The following DCP2 variants were observed in gnomAD, a reference collection of about 807,000 sequenced individuals.
The protein encoded by DCP2 is decapping mRNA 2.
DCP2 carries 30 observed loss-of-function variants against 56.1 expected under a neutral mutation model. That is an observed-to-expected ratio of 0.53 (90% confidence interval 0.40 to 0.73). The LOEUF (loss-of-function observed/expected upper bound fraction) is 0.73, where lower values mean the gene tolerates loss of function less well. Ranked by LOEUF, DCP2 falls within the 30% of genes least tolerant of loss-of-function variation. The probability of loss-of-function intolerance (pLI) is 0.00; values close to 1 mark genes in which losing one functional copy is unlikely to be tolerated. For synonymous variants in DCP2, 197 were observed against 163.3 expected, an observed-to-expected ratio of 1.21 and a Z score of -1.57; for missense variants, 533 against 502.7, an observed-to-expected ratio of 1.06 and a Z score of -0.58.
In DCP2 at chr5:113,017,899, T is replaced by C. The variant is rs755300619; in HGVS notation, c.*4415T>C. On this transcript the variant is annotated 3_prime_UTR_variant, in exon 11 of 11. Transcript: ENST00000389063. ...TTTCTAGCCCTGGATAAAGTTAATT[T>C]TTTTGAAGTTTGATTGCCAAGCAAT... The C allele has an allele frequency of 6.6e-6, 1 of 152,302 alleles. No individual in the cohort carries two copies. The highest frequency in any genetic ancestry group is 3.4e-3 in the Middle Eastern group (1 of 294). The allele number at this position is 152,302 out of a possible 1,614,324, so 9.4% of individuals were successfully genotyped here. A position where few individuals can be genotyped will look rare whatever the true frequency, so the allele number is the denominator to read the frequency against.
At chr5:113,009,924 T>C (rs1003951168) in intron 9 of DCP2, among the ~76,000 whole-genome samples, 6 of 150,532 alleles carry the variant, frequency 4.0e-5, no homozygotes, top group Non-Finnish European at 5.9e-5. Flanking sequence ...TTTTTTCCTT[T>C]TTTTTTTTTT....
Position 112,976,856 on chromosome 5 carries a change from G to T in DCP2, c.-78G>T, listed in dbSNP as rs766407542. 11 of 1,489,238 alleles carry T rather than the reference G, an allele frequency of 7.4e-6. No individual in the cohort carries two copies. The highest frequency in any genetic ancestry group is 1.4e-5 in the African/African-American group (1 of 72,352). The allele number at this position is 1,489,238 out of a possible 1,614,324, so 92.3% of individuals were successfully genotyped here. ...TCCTCGGCTGCCAGCTCTCCGGCGA[G>T]CCGGAGTCCTAGTGCCGTACCGTCA... On this transcript the variant is annotated 5_prime_UTR_variant, in exon 1 of 11. Coordinates refer to ENST00000389063, the MANE Select transcript of DCP2 (RefSeq NM_152624.6).
chr5:113,001,616 G>A lies in DCP2; in HGVS notation c.748G>A (p.Asp250Asn). The A allele has an allele frequency of 6.2e-7, 1 of 1,614,168 alleles. No homozygotes were observed. The highest frequency in any genetic ancestry group is 8.5e-7 in the Non-Finnish European group (1 of 1,180,012). ...SRRFGDSSDS[D>N]NGFSSTGSTP... ...AAGATTTGGCGATTCCTCAGACAGT[G>A]ACAATGGATTTTCCTCAACTGGTAG... is the stretch of plus-strand genomic sequence containing the variant. Residue 250 changes from aspartate to asparagine, a missense_variant, in exon 7 of 11, where the codon GAC (aspartate) becomes AAC (asparagine). Around this residue, in one of 3 missense-constraint regions of DCP2, gnomAD observed 392 missense variants for 346.6 expected, o/e 1.13. Transcript: ENST00000389063.
In DCP2 at chr5:113,008,013, C is replaced by T. The variant is rs761801998; in HGVS notation, c.1018C>T (p.Gln340Ter). Residue 340 changes from glutamine to a stop codon, truncating the protein, a stop_gained, in exon 9 of 11, where the codon CAG (glutamine) becomes TAG (stop). Coordinates refer to ENST00000389063, the MANE Select transcript of DCP2 (RefSeq NM_152624.6). LOFTEE classifies it high-confidence loss of function. ...PNQKKRTNGL[Q>*]PAKQQNSLMK... ...TCAAAAGAAAAGAACAAATGGGCTT[C>T]AGCCAGCAAAGCAGCAGAATTCTTT... 21 of 1,614,044 alleles carry T rather than the reference C, an allele frequency of 1.3e-5. No individual in the cohort carries two copies. Among genetic ancestry groups the T allele is most frequent in the Non-Finnish European group, 5.9e-6 (7 of 1,179,932 alleles).
chr5:113,010,883 G>A, intron 10 of DCP2, 76 bp downstream of exon 10: 2 of 1,444,640 alleles, frequency 1.4e-6, no homozygotes, highest in Non-Finnish European at 1.9e-6. Context: ...GATTTTAGTG[G>A]GAGTATGTGA....
intron 4 of DCP2, among the ~76,000 whole-genome samples, chr5:112,994,158 T>TC (rs925380120): frequency 3.4e-5 from 5 of 146,542 alleles, no homozygotes; most frequent in African/African-American, 1.3e-4. Flanking sequence ...TTCCTTTTTT[T>TC]CTTTCTTTTT....
intron 1 of DCP2, chr5:112,984,703 A>AAAATATATATATAT: frequency 3.1e-4 from 20 of 64,856 alleles, no homozygotes; most frequent in African/African-American, 1.4e-3. Flanking sequence ...AAAAAAAAAA[A>AAAATATATATATAT]ATATATATAT....
rs529438584 is a variant in DCP2, at chr5:112,996,148, A to C, written c.432+3378A>C. ...GAGGGGACATAATTTAGTCCATAGCAGTGGCCTTTTTTGAATGATGAAAGT... is the reference window on the plus strand; with the variant it reads ...GAGGGGACATAATTTAGTCCATAGCCGTGGCCTTTTTTGAATGATGAAAGT... On this transcript the variant is annotated intron_variant, in intron 4 of 10. Coordinates refer to ENST00000389063, the MANE Select transcript of DCP2 (RefSeq NM_152624.6). Among the ~76,000 whole-genome samples the C allele has an allele frequency of 2.2e-4, 33 of 152,318 alleles. No individual in the cohort carries two copies. The South Asian group carries it at 5.6e-3, about 26-fold the overall frequency.
chr5:112,994,544 A>G (rs1285974487), intron 4 of DCP2, among the ~76,000 whole-genome samples: 1 of 152,182 alleles, frequency 6.6e-6, no homozygotes, highest in Non-Finnish European at 1.5e-5. Context: ...TAGTCTCTGA[A>G]CTTCAATAGC....
chr5:112,987,133 C>T (rs1380691100), intron 2 of DCP2, among the ~76,000 whole-genome samples: 2 of 152,078 alleles, frequency 1.3e-5, no homozygotes, highest in East Asian at 1.9e-4. Context: ...GAAGCTATGT[C>T]ATAAGGCAAA....
At chr5:112,982,716 G>A (rs77178980) in intron 1 of DCP2, among the ~76,000 whole-genome samples, 2,303 of 152,140 alleles carry the variant, frequency 0.015, 55 homozygotes, top group African/African-American at 0.052. Context: ...CAGTTGCTCT[G>A]AAAAAGGAAT....
At chr5:113,008,116 C>G (rs902395386) in intron 9 of DCP2, 74 bp downstream of exon 9, 4 of 1,227,856 alleles carry the variant, frequency 3.3e-6, no homozygotes, top group African/African-American at 1.5e-5. Flanking sequence ...TGCCAAAGCA[C>G]AGGAATGTTA....
chr5:112,985,091 G>C (rs1748213047), intron 1 of DCP2, among the ~76,000 whole-genome samples: 1 of 152,064 alleles, frequency 6.6e-6, no homozygotes, highest in African/African-American at 2.4e-5. Flanking sequence ...TACCAAAAAT[G>C]CTTAACATTG....
Position 113,020,724 on chromosome 5 carries a change from A to G in DCP2, c.*7240A>G, listed in dbSNP as rs1256851799. The G allele has an allele frequency of 1.3e-5, 2 of 152,170 alleles. No individual in the cohort carries two copies. Among genetic ancestry groups the G allele is most frequent in the East Asian group, 3.8e-4 (2 of 5,200 alleles). The allele number at this position is 152,170 out of a possible 1,614,324, so 9.4% of individuals were successfully genotyped here. ...AAAGACCCACTAGAATGTCAGCTGT[A>G]CTCTGTACTCTCCACTGAGAAAATG... On this transcript the variant is annotated 3_prime_UTR_variant, in exon 11 of 11. Transcript: ENST00000389063.
rs1749958916 is a variant in DCP2 at position 113,017,935 on chromosome 5, T to A, written c.*4451T>A. 1.3e-5 allele frequency: 2 copies of A among 152,198 alleles called. No homozygotes were observed. Among genetic ancestry groups the A allele is most frequent in the Non-Finnish European group, 1.5e-5 (1 of 68,018 alleles). The allele number at this position is 152,198 out of a possible 1,614,324, so 9.4% of individuals were successfully genotyped here. ...TGATTGCCAAGCAATCCAGTGAATC[T>A]AAAGTAATTTTTCTCACTTTAAAGA... On this transcript the variant is annotated 3_prime_UTR_variant, in exon 11 of 11. Transcript: ENST00000389063.
At chr5:112,992,913 TTA>T in intron 4 of DCP2, 143 bp downstream of exon 4, 1 of 460,880 alleles carries the variant, frequency 2.2e-6, no homozygotes, top group Non-Finnish European at 3.6e-6. Context: ...TTTTTTTTTT[TTA>T]AATCACTGTT....
intron 4 of DCP2, among the ~76,000 whole-genome samples, chr5:112,994,317 G>T (rs2150178173): frequency 6.6e-6 from 1 of 151,454 alleles, no homozygotes; most frequent in South Asian, 2.1e-4. Context: ...GACCACAGTT[G>T]CATGCCACCA....
Position 113,013,622 on chromosome 5 carries a change from AAG to A in DCP2, c.*143_*144del. The A allele has an allele frequency of 9.6e-7, 1 of 1,044,734 alleles. No individual in the cohort carries two copies. The highest frequency in any genetic ancestry group is 1.4e-6 in the Non-Finnish European group (1 of 723,218). The allele number at this position is 1,044,734 out of a possible 1,614,324, so 64.7% of individuals were successfully genotyped here. A position where few individuals can be genotyped will look rare whatever the true frequency, so the allele number is the denominator to read the frequency against. On this transcript the variant is annotated 3_prime_UTR_variant, in exon 11 of 11. Transcript: ENST00000389063. ...GTTTCTGAAGACATTTTCTGTTTAT[AAG>A]AGAGTAGAAAGAAACACGAGTTTGC... is the stretch of plus-strand genomic sequence containing the variant.
At chr5:113,001,764 T>C (rs1357113829) in intron 7 of DCP2, 90 bp downstream of exon 7, 40 of 1,225,170 alleles carry the variant, frequency 3.3e-5, no homozygotes, top group Non-Finnish European at 4.8e-6. Context: ...GCAGAGGATG[T>C]AAGATTTCTT....
Sources: gnomAD v4.1 joint callset for allele counts (sites outside exome capture counted in the v4.1 genomes callset) on GRCh38, gnomAD v4.1.1 for gene constraint, gnomAD v4.1.1 regional missense constraint, MANE v1.5 for transcripts, NCBI Gene and HGNC (gene_info 2026-07-23, HGNC 2026-07-21) for gene names.